TUBGCP5: variants seen among roughly 807,000 people sequenced by gnomAD.
The protein encoded by TUBGCP5 is gamma-tubulin complex component 5.
Under a neutral mutation model 134.7 loss-of-function variants are expected in TUBGCP5, and 98 were observed. The ratio of observed to expected loss-of-function variants is 0.73; its 90% CI spans 0.62 to 0.86. The LOEUF is 0.86. Among genes scored for constraint, TUBGCP5 ranks in the 40% least tolerant of loss-of-function variants. The probability of loss-of-function intolerance (pLI) is 0.00; values close to 1 mark genes in which losing one functional copy is unlikely to be tolerated. For missense variants in TUBGCP5, 1,150 were observed against 1,244.8 expected (o/e 0.92, Z 1.15); for synonymous variants, 456 against 431.4 (o/e 1.06, Z -0.71).
intron 18 of TUBGCP5, 124 bp downstream of exon 18, chr15:23,005,928 A>G (rs2140431524): frequency 9.2e-7 from 1 of 1,083,486 alleles, no homozygotes; most frequent in African/African-American, 1.9e-5. Context: ...ATAAAAAATG[A>G]TCAACAACCA....
At chr15:22,985,727 TG>T (rs2063656746) in intron 23 of TUBGCP5, among the ~76,000 whole-genome samples, 1 of 151,960 alleles carries the variant, frequency 6.6e-6, no homozygotes, top group African/African-American at 2.4e-5. Flanking sequence ...AACAGCTACT[TG>T]GGAGGCTGAG....
Position 23,031,965 on chromosome 15 carries a change from C to A in TUBGCP5, c.471G>T (p.Pro157=), listed in dbSNP as rs575483661. ...TACCACTTACTGGTGTGTCCATGTA[C>A]GGACCAATGTCCATTTCTTCATCTT... ...LMEDEEMDIG[P]YMDTPNWSEE... is the part of the protein sequence containing the mutation. The change falls in exon 5 of 23, where the codon CCG becomes CCT. Residue 157 remains proline, a synonymous_variant. Coordinates refer to ENST00000615383, the MANE Select transcript of TUBGCP5 (RefSeq NM_052903.6). The A allele has an allele frequency of 5.0e-6, 8 of 1,611,832 alleles. No individual in the cohort carries two copies. In the East Asian group the frequency reaches 1.8e-4, roughly 36 times the overall value.
chr15:23,001,524 G>A (rs1370067934), intron 21 of TUBGCP5, among the ~76,000 whole-genome samples: 1 of 151,592 alleles, frequency 6.6e-6, no homozygotes, highest in Non-Finnish European at 1.5e-5. Context: ...TGTATTTTTA[G>A]TAGAGATGGA....
Position 23,010,153 on chromosome 15 carries a change from GTCT to G in TUBGCP5, c.1956-23_1956-21del, listed in dbSNP as rs1465318936. On this transcript the variant is annotated intron_variant, in intron 14 of 22. Coordinates refer to ENST00000615383, the MANE Select transcript of TUBGCP5 (RefSeq NM_052903.6). ...TACATCCTTCAAGATAAAAATGTGA[GTCT>G]TCTTTTTATGAGCTGCTGTCAACAG... The G allele has an allele frequency of 6.2e-7, 1 of 1,600,970 alleles. No homozygotes were observed. Among genetic ancestry groups the G allele is most frequent in the Non-Finnish European group, 8.5e-7 (1 of 1,171,306 alleles).
At chr15:23,026,916 G>C (rs1057360557) in intron 7 of TUBGCP5, among the ~76,000 whole-genome samples, 8 of 152,040 alleles carry the variant, frequency 5.3e-5, no homozygotes, top group African/African-American at 1.7e-4. Flanking sequence ...CAGGGTGACA[G>C]AGCGAGACTT....
At chr15:22,990,854 A>C (rs1463385740) in intron 23 of TUBGCP5, among the ~76,000 whole-genome samples, 1 of 152,206 alleles carries the variant, frequency 6.6e-6, no homozygotes, top group Non-Finnish European at 1.5e-5. Context: ...AGAAAGAGGC[A>C]GTGTGAACAC....
chr15:23,002,139 CA>C lies in TUBGCP5; in HGVS notation c.2927+925del, dbSNP rs1266337092. Among the ~76,000 whole-genome samples, 582 of 95,838 alleles carry C rather than the reference CA, an allele frequency of 6.1e-3. 5 individuals are homozygous for C. Among genetic ancestry groups the C allele is most frequent in the African/African-American group, 0.021 (544 of 26,246 alleles). 62.9% of individuals were successfully genotyped at this position (95,838 alleles called of 152,430 possible). A position where few individuals can be genotyped will look rare whatever the true frequency, so the allele number is the denominator to read the frequency against. On this transcript the variant is annotated intron_variant, in intron 21 of 22. Transcript: ENST00000615383. ...ATTTCTCCTCCACCCCAAAGTGAGACAAAAAAAAAAGAAAAAAAAAAAGCAA... is the reference window on the plus strand; with the variant it reads ...ATTTCTCCTCCACCCCAAAGTGAGACAAAAAAAAAGAAAAAAAAAAAGCAA...
chr15:23,004,540 T>TAA, intron 19 of TUBGCP5: 4 of 219,378 alleles, frequency 1.8e-5, no homozygotes, highest in East Asian at 1.0e-4. Flanking sequence ...GACACATCGA[T>TAA]AAAAAAAAAA....
intron 20 of TUBGCP5, 55 bp downstream of exon 20, chr15:23,004,047 C>A (rs762224162): frequency 4.5e-6 from 7 of 1,540,106 alleles, no homozygotes; most frequent in Non-Finnish European, 6.1e-6. Context: ...CCAAAGCACG[C>A]AGACAGCGCC....
At chr15:23,016,090 A>C in intron 13 of TUBGCP5, among the ~76,000 whole-genome samples, 1 of 152,374 alleles carries the variant, frequency 6.6e-6, no homozygotes, top group East Asian at 1.9e-4. Flanking sequence ...GAACTCGGTG[A>C]GATACAAGAC....
intron 23 of TUBGCP5, among the ~76,000 whole-genome samples, chr15:22,987,713 G>A (rs191089652): frequency 0.012 from 1,771 of 151,460 alleles, 47 homozygotes; most frequent in African/African-American, 0.041. Flanking sequence ...TGGCTAACAC[G>A]GTGAAACCCC....
At chr15:23,020,677 T>C (rs748767698) in intron 11 of TUBGCP5, among the ~76,000 whole-genome samples, 12 of 151,846 alleles carry the variant, frequency 7.9e-5, no homozygotes, top group Non-Finnish European at 1.2e-4. Flanking sequence ...ATACACCTAA[T>C]GTACATACCC....
Position 23,039,446 on chromosome 15 carries a change from G to C in TUBGCP5, c.98C>G (p.Ala33Gly). The change falls in exon 1 of 23, where the codon GCA becomes GGA. Residue 33 changes from alanine (A) to glycine (G), a missense_variant. Transcript: ENST00000615383. ...VRGVAGLQDE[A>G]DPNFQLALNF... ...TAGGGCGAGCTGGAAGTTGGGGTCT[G>C]CCTCGTCCTGGAGGCCGGCGACACC... 1 of 1,547,100 alleles carries C rather than the reference G, an allele frequency of 6.5e-7. No individual in the cohort carries two copies. The highest frequency in any genetic ancestry group is 1.2e-5 in the South Asian group (1 of 83,864).
At chr15:23,024,281 T>C (rs2065875331) in intron 9 of TUBGCP5, 88 bp from the exon 10 acceptor site, 14 of 1,485,466 alleles carry the variant, frequency 9.4e-6, no homozygotes, top group Admixed American at 2.0e-5. Flanking sequence ...ATACTTCTTT[T>C]GCAATTGTTT....
chr15:23,005,367 T>TG, intron 19 of TUBGCP5, 65 bp downstream of exon 19: 1 of 1,538,894 alleles, frequency 6.5e-7, no homozygotes, highest in Non-Finnish European at 8.8e-7. Flanking sequence ...ATAGTATGAG[T>TG]AATTCTCTAC....
At chr15:23,038,985 G>A (rs1488725574) in intron 1 of TUBGCP5, among the ~76,000 whole-genome samples, 2 of 151,986 alleles carry the variant, frequency 1.3e-5, no homozygotes, top group African/African-American at 4.8e-5. Context: ...ATCTTACACT[G>A]GGCTGACCAG....
chr15:23,005,541 T>C lies in TUBGCP5; in HGVS notation c.2603A>G (p.Gln868Arg). Reference sequence around the variant, plus strand: ...TACTGGTTCTTTTTGTGGTCCGAACTGAGCAACTGTGTCTTGTTCATGTAT... The same window carrying C: ...TACTGGTTCTTTTTGTGGTCCGAACCGAGCAACTGTGTCTTGTTCATGTAT... ...GLIHEQDTVAQFGPQKEPVRQ... is the reference protein window; with the variant it reads ...GLIHEQDTVARFGPQKEPVRQ... The change falls in exon 19 of 23, where the codon CAG becomes CGG. Residue 868 changes from glutamine (Q) to arginine (R), a missense_variant. Gln to Arg is a conservative substitution (Grantham distance 43). This residue lies in a region of TUBGCP5 where 697 missense variants were observed against 850.1 expected (regional missense o/e 0.82). Coordinates refer to ENST00000615383, the MANE Select transcript of TUBGCP5 (RefSeq NM_052903.6). 2 of 1,614,220 alleles carry C rather than the reference T, an allele frequency of 1.2e-6. No homozygotes were observed. Among genetic ancestry groups the C allele is most frequent in the Non-Finnish European group, 1.7e-6 (2 of 1,180,032 alleles).
chr15:22,992,103 T>G (rs1422873946), intron 23 of TUBGCP5, among the ~76,000 whole-genome samples: 2 of 152,150 alleles, frequency 1.3e-5, no homozygotes, highest in Non-Finnish European at 2.9e-5. Context: ...TGAGAAGAAT[T>G]GCAGTCGTAC....
chr15:23,004,164 A>G lies in TUBGCP5; in HGVS notation c.2776T>C (p.Leu926=), dbSNP rs2140420825. 1 of 1,613,348 alleles carries G rather than the reference A, an allele frequency of 6.2e-7. No homozygotes were observed. Among genetic ancestry groups the G allele is most frequent in the East Asian group, 2.2e-5 (1 of 44,826 alleles). ...QVEEAKDLDQ[L]IKIHYRYLST... ...AGATACCTATAGTGAATTTTAATCA[A>G]TTGATCTAAATCCTTGGCTTCCTCG... The change falls in exon 20 of 23, where the codon TTG becomes CTG. Residue 926 remains leucine (L), a synonymous_variant. Transcript: ENST00000615383.
Sources: allele counts gnomAD v4.1 joint callset (sites outside exome capture counted in the v4.1 genomes callset), GRCh38; gene constraint gnomAD v4.1.1; regional missense constraint gnomAD v4.1.1; transcripts MANE v1.5; gene names NCBI Gene and HGNC (gene_info 2026-07-23, HGNC 2026-07-21).